The following ANKRD36C variants were observed in gnomAD, a reference collection of about 807,000 sequenced individuals.
ANKRD36C encodes the protein ankyrin repeat domain 36C, also known as ankyrin repeat domain-containing protein 36C.
ANKRD36C carries 61 observed loss-of-function variants against 276.4 expected under a neutral mutation model. The observed-to-expected ratio is 0.22, with a 90% CI of 0.18 to 0.27. The LOEUF is 0.27. Among genes scored for constraint, ANKRD36C ranks in the 10% least tolerant of loss-of-function variants. ANKRD36C has a pLI of 1.00. For missense variants in ANKRD36C, 1,447 were observed against 2,032.3 expected (o/e 0.71, Z 5.54); for synonymous variants, 483 against 680.1 (o/e 0.71, Z 4.51).
At chr2:95,949,403 T>C (rs532650495) in intron 16 of ANKRD36C, among the ~76,000 whole-genome samples, 4 of 152,274 alleles carry the variant, frequency 2.6e-5, no homozygotes, top group Non-Finnish European at 5.9e-5. Flanking sequence ...GAGCTTCATT[T>C]CATTCATCAC....
chr2:95,894,050 A>T (rs1357371907), intron 44 of ANKRD36C, among the ~76,000 whole-genome samples: 4 of 151,474 alleles, frequency 2.6e-5, no homozygotes. Flanking sequence ...CAACTCACAC[A>T]CCTGAGAATC....
chr2:95,991,570 C>T (rs930633239), exon 1 of ANKRD36C: 3 of 1,613,636 alleles, frequency 1.9e-6, no homozygotes, highest in Non-Finnish European at 2.5e-6. Flanking sequence ...AACTTCAGTT[C>T]CTCCAGATCA....
chr2:95,962,295 A>G, intron 8 of ANKRD36C, 57 bp downstream of exon 8: 1 of 1,511,948 alleles, frequency 6.6e-7, no homozygotes, highest in East Asian at 2.5e-5. Context: ...TATTCAGGGA[A>G]CAGCAGTTCC....
intron 26 of ANKRD36C, 21 bp downstream of exon 26, chr2:95,929,051 A>G (rs1468279440): frequency 6.2e-7 from 1 of 1,601,708 alleles, no homozygotes; most frequent in Admixed American, 1.7e-5. Context: ...ACATGACATT[A>G]GAAGTGTTTT....
At chr2:95,870,739 C>A (rs1486141799) in intron 59 of ANKRD36C, among the ~76,000 whole-genome samples, 3 of 152,044 alleles carry the variant, frequency 2.0e-5, no homozygotes, top group Admixed American at 2.0e-4. Flanking sequence ...GAAATTCAAA[C>A]CAAAGGCGAA....
At chr2:95,887,889 A>T (rs1373140133) in intron 50 of ANKRD36C, 36 bp downstream of exon 70, 1 of 1,553,524 alleles carries the variant, frequency 6.4e-7, no homozygotes, top group African/African-American at 1.4e-5. Context: ...TTCTATCTGG[A>T]CTGAACATGA....
intron 13 of ANKRD36C, among the ~76,000 whole-genome samples, chr2:95,956,538 T>G (rs1474829909): frequency 1.3e-5 from 2 of 152,230 alleles, no homozygotes; most frequent in African/African-American, 4.8e-5. Context: ...AAATCATGGG[T>G]TGGCTACCTG....
intron 61 of ANKRD36C, among the ~76,000 whole-genome samples, chr2:95,857,693 A>G (rs1389452157): frequency 6.6e-6 from 1 of 150,500 alleles, no homozygotes; most frequent in East Asian, 1.9e-4. Context: ...GAGACAAGGA[A>G]GAAAATATTT....
At chr2:95,988,578 C>T (rs1345292957) in intron 1 of ANKRD36C, among the ~76,000 whole-genome samples, 1 of 151,904 alleles carries the variant, frequency 6.6e-6, no homozygotes, top group East Asian at 1.9e-4. Flanking sequence ...TGATGAATAA[C>T]TGGATTGAAA....
chr2:95,954,272 A>T (rs1039607942), intron 13 of ANKRD36C, among the ~76,000 whole-genome samples: 2 of 152,168 alleles, frequency 1.3e-5, no homozygotes, highest in Admixed American at 6.5e-5. Context: ...CCCATCACAA[A>T]TAGTGACAGG....
chr2:95,972,636 T>C (rs1678722469), intron 6 of ANKRD36C, among the ~76,000 whole-genome samples: 1 of 152,248 alleles, frequency 6.6e-6, no homozygotes, highest in Non-Finnish European at 1.5e-5. Flanking sequence ...TGGCATTATA[T>C]GAAATTAGTT....
intron 19 of ANKRD36C, among the ~76,000 whole-genome samples, chr2:95,943,327 TA>T (rs1351197728): frequency 2.0e-5 from 3 of 148,036 alleles, no homozygotes; most frequent in African/African-American, 7.5e-5. Context: ...ACTAAAAATA[TA>T]AAAAAAATTA....
At chr2:95,903,250 A>C (rs1471891485) in intron 42 of ANKRD36C, among the ~76,000 whole-genome samples, 169 bp from the exon 53 acceptor site, 1 of 150,670 alleles carries the variant, frequency 6.6e-6, no homozygotes, top group East Asian at 2.0e-4. Context: ...TATGCTGAGA[A>C]AAGGGAATAC....
chr2:95,986,644 T>A, intron 3 of ANKRD36C, 107 bp downstream of exon 3: 1 of 1,191,580 alleles, frequency 8.4e-7, no homozygotes, highest in Non-Finnish European at 1.1e-6. Flanking sequence ...ATATTTTCAT[T>A]CAAGGAATGT....
At chr2:95,865,246 A>C (rs1007941382) in intron 60 of ANKRD36C, among the ~76,000 whole-genome samples, 3 of 152,018 alleles carry the variant, frequency 2.0e-5, no homozygotes, top group Non-Finnish European at 4.4e-5. Flanking sequence ...ATTGAGGAGT[A>C]GATTCGCTAT....
At chr2:95,908,222 A>G (rs969855864) in intron 42 of ANKRD36C, among the ~76,000 whole-genome samples, 6 of 149,396 alleles carry the variant, frequency 4.0e-5, no homozygotes, top group African/African-American at 1.5e-4. Flanking sequence ...TGGAGAATTA[A>G]AGCAAAATTA....
At position 95,985,993 on chromosome 2, in the gene ANKRD36C, T is replaced by G. The variant is rs11543516; in HGVS notation, c.486+758A>C. ...TTATGTGTTCTTCTCTCTGCTGAAC[T>G]GTGTGCCGCTTCATCACCACTATTC... On this transcript the variant is annotated intron_variant, in intron 3 of 66. Coordinates refer to ENST00000456556, the Ensembl canonical transcript of ANKRD36C. 0.015 allele frequency among the ~76,000 whole-genome samples: 2,296 copies of G among 152,230 alleles called. 151 individuals carry two copies. The East Asian group carries it at 0.16, about 11-fold the overall frequency.
At chr2:95,854,460 T>C (rs1675363301) in intron 63 of ANKRD36C, among the ~76,000 whole-genome samples, 1 of 152,160 alleles carries the variant, frequency 6.6e-6, no homozygotes, top group African/African-American at 2.4e-5. Context: ...AGTCTGAGAA[T>C]GGGGATCCAG....
At chr2:95,910,505 T>A in intron 42 of ANKRD36C, 35 bp downstream of exon 45, 1 of 1,604,368 alleles carries the variant, frequency 6.2e-7, no homozygotes, top group Non-Finnish European at 8.5e-7. Context: ...GACCATACAT[T>A]AACTCGTTCA....
Sources: gnomAD v4.1 joint callset for allele counts (sites outside exome capture counted in the v4.1 genomes callset) on GRCh38, gnomAD v4.1.1 for gene constraint, MANE v1.5 for transcripts, NCBI Gene and HGNC (gene_info 2026-07-23, HGNC 2026-07-21) for gene names.